The following GPAM variants were observed in gnomAD, a reference collection of about 807,000 sequenced individuals.
GPAM encodes glycerol-3-phosphate acyltransferase, mitochondrial.
In GPAM, 56 loss-of-function variants were observed where a neutral mutation model predicts 105.0. That is an observed-to-expected ratio of 0.53 (90% confidence interval 0.43 to 0.67). The LOEUF (loss-of-function observed/expected upper bound fraction) is 0.67. Ranked by LOEUF, GPAM falls within the 30% of genes least tolerant of loss-of-function variation. The pLI is 0.00. For missense variants in GPAM, 855 were observed against 989.8 expected, an observed-to-expected ratio of 0.86 and a Z score of 1.83; for synonymous variants, 368 against 354.4, an observed-to-expected ratio of 1.04 and a Z score of -0.43.
At position 112,168,832 on chromosome 10, in the gene GPAM, ATAATTAGAGAT is replaced by A; in HGVS notation, c.894+10_894+20del. 1 of 1,383,222 alleles carries A rather than the reference ATAATTAGAGAT, an allele frequency of 7.2e-7. No individual in the cohort carries two copies. Among genetic ancestry groups the A allele is most frequent in the African/African-American group, 1.4e-5 (1 of 70,698 alleles). The allele number at this position is 1,383,222 out of a possible 1,614,324, so 85.7% of individuals were successfully genotyped here. A position where few individuals can be genotyped will look rare whatever the true frequency, so the allele number is the denominator to read the frequency against. The stretch of plus-strand genomic sequence containing the variant: ...GATAACCAACACAATGTCCCTAAGG[ATAATTAGAGAT>A]CACACATACCCCATGGAGCAAAGCT... On this transcript the variant is annotated intron_variant, in intron 10 of 21. Coordinates refer to ENST00000348367, the MANE Select transcript of GPAM (RefSeq NM_001244949.2).
upstream of GPAM, among the ~76,000 whole-genome samples, chr10:112,188,579 A>G (rs1847621337): frequency 6.6e-6 from 1 of 152,200 alleles, no homozygotes; most frequent in Non-Finnish European, 1.5e-5. Flanking sequence ...AACTCTGAAA[A>G]TATAATGAAT....
In GPAM at chr10:112,151,495, G is replaced by C; in HGVS notation, c.*2055C>G. 1.0e-6 allele frequency: 1 copy of C among 985,754 alleles called. No homozygotes were observed. The highest frequency in any genetic ancestry group is 1.2e-6 in the Non-Finnish European group (1 of 829,864). 61.1% of individuals were successfully genotyped at this position (985,754 alleles called of 1,614,324 possible). A position where few individuals can be genotyped will look rare whatever the true frequency, so the allele number is the denominator to read the frequency against. On this transcript the variant is annotated 3_prime_UTR_variant, in exon 22 of 22. Coordinates refer to ENST00000348367, the MANE Select transcript of GPAM (RefSeq NM_001244949.2). Reference sequence around the variant, plus strand: ...AAAAGCATGCATATTTATCCTCACAGTGAGTTAAGTGGTGAGAGAGCTAGC... The same window carrying C: ...AAAAGCATGCATATTTATCCTCACACTGAGTTAAGTGGTGAGAGAGCTAGC...
intron 21 of GPAM, 113 bp from the exon 22 acceptor site, chr10:112,153,779 A>C: frequency 8.2e-7 from 1 of 1,223,432 alleles, no homozygotes; most frequent in Non-Finnish European, 1.1e-6. Flanking sequence ...AAGGCACAAA[A>C]AACCATATCC....
At chr10:112,195,470 G>T (rs1589605576) in intron 1 of GPAM, among the ~76,000 whole-genome samples, 1 of 152,090 alleles carries the variant, frequency 6.6e-6, no homozygotes, top group Non-Finnish European at 1.5e-5. Context: ...TGCCTGCAGT[G>T]GTCCCTGCCA....
intron 10 of GPAM, 121 bp downstream of exon 10, chr10:112,168,730 AGC>A (rs1589588087): frequency 2.6e-6 from 2 of 777,876 alleles, no homozygotes; most frequent in East Asian, 5.0e-5. Context: ...ACCAAACTCA[AGC>A]AATAATCACT....
At chr10:112,225,425 G>T in the GPAM span, among the ~76,000 whole-genome samples, 2 of 152,102 alleles carry the variant, frequency 1.3e-5, no homozygotes, top group Non-Finnish European at 2.9e-5. Context: ...TGTGACCACC[G>T]TGTCTGGGTG....
At chr10:112,164,372 G>A (rs1270022505) in intron 13 of GPAM, among the ~76,000 whole-genome samples, 153 bp downstream of exon 13, 1 of 152,158 alleles carries the variant, frequency 6.6e-6, no homozygotes, top group Non-Finnish European at 1.5e-5. Context: ...ATGAAAACAT[G>A]TCATCTCAAT....
At chr10:112,189,870 C>G (rs1847635848) in intron 1 of GPAM, among the ~76,000 whole-genome samples, 1 of 152,160 alleles carries the variant, frequency 6.6e-6, no homozygotes, top group African/African-American at 2.4e-5. Context: ...ACAATGTTGT[C>G]TTCTGTTACT....
chr10:112,220,489 T>C, the GPAM span, among the ~76,000 whole-genome samples: 2 of 151,216 alleles, frequency 1.3e-5, no homozygotes, highest in Non-Finnish European at 3.0e-5. Flanking sequence ...TTCATATGCA[T>C]GTATCTTTGC....
At chr10:112,181,934 T>C (rs1278410779) in intron 2 of GPAM, 121 bp from the exon 3 acceptor site, 2 of 647,604 alleles carry the variant, frequency 3.1e-6, no homozygotes, top group Non-Finnish European at 5.6e-6. Context: ...CTGACAGACT[T>C]CTACCATGTT....
Position 112,160,586 on chromosome 10 carries a change from T to A in GPAM, c.1759+18A>T, listed in dbSNP as rs773130036. 1 of 1,606,356 alleles carries A rather than the reference T, an allele frequency of 6.2e-7. No homozygotes were observed. Among genetic ancestry groups the A allele is most frequent in the South Asian group, 1.1e-5 (1 of 90,914 alleles). On this transcript the variant is annotated intron_variant, in intron 16 of 21. Coordinates refer to ENST00000348367, the MANE Select transcript of GPAM (RefSeq NM_001244949.2). The stretch of plus-strand genomic sequence containing the variant: ...TTTTCCATGAAAATTACTGAAAATA[T>A]TTCAAGGTCTGACATACCTATGATG...
rs1490595651 is a variant in GPAM, at chr10:112,168,424, A to G, written c.995T>C (p.Leu332Ser). The change falls in exon 11 of 22, where the codon TTG becomes TCG. Residue 332 changes from leucine to serine, a missense_variant. By Grantham distance (145) the Leu-to-Ser change is moderately radical. Coordinates refer to ENST00000348367, the MANE Select transcript of GPAM (RefSeq NM_001244949.2). Reference sequence around the variant, plus strand: ...AGACAGAGTATCTACCACAACTGACAAAAGTCCTGCCCGAGCACAAGAGGT... The same window carrying G: ...AGACAGAGTATCTACCACAACTGACGAAAGTCCTGCCCGAGCACAAGAGGT... ...GKTSCARAGL[L>S]SVVVDTLSTN... 1 of 1,610,700 alleles carries G rather than the reference A, an allele frequency of 6.2e-7. No homozygotes were observed. Among genetic ancestry groups the G allele is most frequent in the Non-Finnish European group, 8.5e-7 (1 of 1,177,000 alleles).
intron 9 of GPAM, 149 bp downstream of exon 9, chr10:112,172,033 T>G: frequency 1.6e-6 from 1 of 639,776 alleles, no homozygotes; most frequent in Non-Finnish European, 2.7e-6. Context: ...TCTCCAAATT[T>G]TACACAATAA....
In GPAM at chr10:112,161,653, C is replaced by T; in HGVS notation, c.1494+14G>A. The stretch of plus-strand genomic sequence containing the variant: ...CTGCTTCCTACTTAACTGCAGGTGA[C>T]ATTGCAGACATACCTGCCTGTGTCT... On this transcript the variant is annotated intron_variant, in intron 15 of 21. Coordinates refer to ENST00000348367, the MANE Select transcript of GPAM (RefSeq NM_001244949.2). 6.2e-7 allele frequency: 1 copy of T among 1,601,488 alleles called. No homozygotes were observed. The highest frequency in any genetic ancestry group is 8.6e-7 in the Non-Finnish European group (1 of 1,168,724).
chr10:112,213,758 A>G (rs1484100988), intron 1 of GPAM, among the ~76,000 whole-genome samples: 2 of 152,198 alleles, frequency 1.3e-5, no homozygotes, highest in African/African-American at 4.8e-5. Flanking sequence ...ATAAGGTTCG[A>G]CCATGGTGGG....
chr10:112,227,665 T>C, the GPAM span, among the ~76,000 whole-genome samples: 1 of 152,342 alleles, frequency 6.6e-6, no homozygotes, highest in East Asian at 1.9e-4. Context: ...TTGCCTCTCA[T>C]CTTGCTGTGA....
chr10:112,166,670 C>A (rs145110673), intron 11 of GPAM, among the ~76,000 whole-genome samples, 155 bp from the exon 12 acceptor site: 1 of 152,134 alleles, frequency 6.6e-6, no homozygotes, highest in Non-Finnish European at 1.5e-5. Flanking sequence ...TCATTAACTG[C>A]GGCCTGTCAG....
chr10:112,163,334 T>C (rs949928606), intron 14 of GPAM, among the ~76,000 whole-genome samples: 2 of 152,206 alleles, frequency 1.3e-5, no homozygotes, highest in African/African-American at 4.8e-5. Flanking sequence ...CAAAAACTCA[T>C]GGGGTCAAAG....
At chr10:112,203,797 GGT>G (rs1321317463) in intron 1 of GPAM, among the ~76,000 whole-genome samples, 1 of 151,998 alleles carries the variant, frequency 6.6e-6, no homozygotes, top group African/African-American at 2.4e-5. Context: ...ATGATGCTGC[GGT>G]TCAGGAAGAA....
Sources: allele counts gnomAD v4.1 joint callset (sites outside exome capture counted in the v4.1 genomes callset), GRCh38; gene constraint gnomAD v4.1.1; transcripts MANE v1.5; gene names NCBI Gene and HGNC (gene_info 2026-07-23, HGNC 2026-07-21).